The following KIF22 variants were observed in gnomAD, a reference collection of about 807,000 sequenced individuals.
The protein encoded by KIF22 is kinesin-like protein KIF22.
In KIF22, 62 loss-of-function variants were observed where a neutral mutation model predicts 73.0. The observed-to-expected ratio is 0.85, with a 90% CI of 0.69 to 1.05. KIF22 has a LOEUF of 1.05. KIF22 is among the 50% of genes least tolerant of loss of function. KIF22 has a pLI of 0.00. For missense variants in KIF22, 854 were observed against 870.1 expected (o/e 0.98, Z 0.23); for synonymous variants, 411 against 340.1 (o/e 1.21, Z -2.29).
chr16:29,804,416 C>T, intron 11 of KIF22: 2 of 620,014 alleles, frequency 3.2e-6, no homozygotes, highest in Non-Finnish European at 2.9e-6. Flanking sequence ...ACTAGAACTA[C>T]CCAAAAACTG....
At chr16:29,791,780 G>A (rs1359359239) in intron 1 of KIF22, among the ~76,000 whole-genome samples, 1 of 152,152 alleles carries the variant, frequency 6.6e-6, no homozygotes, top group East Asian at 1.9e-4. Flanking sequence ...TCGCTCTCAA[G>A]GAGTCTGAGT....
chr16:29,799,149 C>T lies in KIF22; in HGVS notation c.724C>T (p.Arg242Cys), dbSNP rs768035064. 10 of 1,613,990 alleles carry T rather than the reference C, an allele frequency of 6.2e-6. No homozygotes were observed. Among genetic ancestry groups the T allele is most frequent in the South Asian group, 2.2e-5 (2 of 91,076 alleles). Residue 242 changes from arginine (R) to cysteine (C), a missense_variant, in exon 5 of 14, where the codon CGC (arginine) becomes TGC (cysteine). By Grantham distance (180) the Arg-to-Cys change is radical. Around this residue, in one of 3 missense-constraint regions of KIF22, gnomAD observed 245 missense variants for 351.8 expected, o/e 0.70. Coordinates refer to ENST00000160827, the MANE Select transcript of KIF22 (RefSeq NM_007317.3). ...RTVGATRLNQ[R>C]SSRSHAVLLV... ...TGTAGGAGCCACCCGGCTCAACCAG[C>T]GCTCCTCCCGCAGTCATGCTGTGCT...
At chr16:29,800,141 G>A in intron 8 of KIF22, 93 bp downstream of exon 8, 2 of 1,406,684 alleles carry the variant, frequency 1.4e-6, no homozygotes, top group South Asian at 2.8e-5. Context: ...AGAGAGCTGT[G>A]ATCTTGTTCC....
chr16:29,805,160 G>C lies in KIF22; in HGVS notation c.1936G>C (p.Glu646Gln). The stretch of plus-strand genomic sequence containing the variant: ...GGAGGGCATAACGGGGAAACAGATG[G>C]AGTCCTTCCTGAAGGTGAAGTCACG... ...RVEGITGKQMESFLKANILGL... is the reference protein window; with the variant it reads ...RVEGITGKQMQSFLKANILGL... The change falls in exon 13 of 14, where the codon GAG (glutamate) becomes CAG (glutamine). Residue 646 changes from glutamate to glutamine, a missense_variant. This residue lies in a region of KIF22 where 423 missense variants were observed against 365.4 expected (regional missense o/e 1.16). Transcript: ENST00000160827. The C allele has an allele frequency of 6.2e-7, 1 of 1,614,000 alleles. No individual in the cohort carries two copies. The highest frequency in any genetic ancestry group is 8.5e-7 in the Non-Finnish European group (1 of 1,180,006).
intron 8 of KIF22, among the ~76,000 whole-genome samples, chr16:29,800,675 A>C (rs1295743909): frequency 6.6e-6 from 1 of 152,106 alleles, no homozygotes; most frequent in East Asian, 1.9e-4. Context: ...TGAGGCAGGA[A>C]GAATTGCTTG....
chr16:29,803,419 G>A (rs1899212180), intron 9 of KIF22, 30 bp from the exon 10 acceptor site: 1 of 1,611,946 alleles, frequency 6.2e-7, no homozygotes. Context: ...AGTTGGGTCT[G>A]GATCACATCT....
Position 29,799,790 on chromosome 16 carries a change from TGGGGGAG to T in KIF22, c.1144+11_1144+17del. 2 of 1,613,814 alleles carry T rather than the reference TGGGGGAG, an allele frequency of 1.2e-6. No homozygotes were observed. The highest frequency in any genetic ancestry group is 2.2e-5 in the South Asian group (2 of 91,052). ...GAGCCTGCAGCCTCATGGTGAGAAC[TGGGGGAG>T]GCAGGAGTGGAAACGCTGGGTCTGG... On this transcript the variant is annotated intron_variant, in intron 7 of 13. Transcript: ENST00000160827.
Position 29,798,786 on chromosome 16 carries a change from G to A in KIF22, c.549+39G>A, listed in dbSNP as rs1899024955. 1.9e-6 allele frequency: 3 copies of A among 1,603,130 alleles called. No homozygotes were observed. Among genetic ancestry groups the A allele is most frequent in the South Asian group, 2.2e-5 (2 of 89,792 alleles). On this transcript the variant is annotated intron_variant, in intron 4 of 13. Coordinates refer to ENST00000160827, the MANE Select transcript of KIF22 (RefSeq NM_007317.3). This position sits in a 1 kb window ranked among gnomAD's most constrained non-coding sequence, Gnocchi z 4.1. Reference sequence around the variant, plus strand: ...CTGGTTGGGAGAGGAGCAACAAAGGGTCAAAGTAAGACCTGGTTCTAGAAC... The same window carrying A: ...CTGGTTGGGAGAGGAGCAACAAAGGATCAAAGTAAGACCTGGTTCTAGAAC...
In KIF22 at chr16:29,799,711, A is replaced by G. The variant is rs772919942; in HGVS notation, c.1074A>G (p.Ala358=). 131 of 1,613,508 alleles carry G rather than the reference A, an allele frequency of 8.1e-5. 2 individuals carry two copies. Among genetic ancestry groups the G allele is most frequent in the Non-Finnish European group, 1.1e-4 (128 of 1,179,828 alleles). ...GCTTCTACCTAGACACAGTCTCCGC[A>G]CTCAACTTTGCTGCCAGGTCCAAGG... ...ERRFYLDTVS[A]LNFAARSKEV... is the part of the protein sequence containing the mutation. The change falls in exon 7 of 14, where the codon GCA becomes GCG. Residue 358 remains alanine (A), a synonymous_variant. Coordinates refer to ENST00000160827, the MANE Select transcript of KIF22 (RefSeq NM_007317.3).
chr16:29,795,805 T>C (rs1327182130), intron 1 of KIF22, among the ~76,000 whole-genome samples: 1 of 152,156 alleles, frequency 6.6e-6, no homozygotes, highest in Non-Finnish European at 1.5e-5. Flanking sequence ...AACTTAATCA[T>C]CTGAAGCAAA....
In KIF22 at chr16:29,800,025, A is replaced by G; in HGVS notation, c.1257A>G (p.Pro419=). The change falls in exon 8 of 14, where the codon CCA becomes CCG. Residue 419 remains proline (P), a synonymous_variant. Coordinates refer to ENST00000160827, the MANE Select transcript of KIF22 (RefSeq NM_007317.3). ...EIGSPEPMAA[P]ASASQKLSPL... ...GGAGCCCTGAGCCCATGGCAGCTCC[A>G]GCCTCTGCCTCCCAGAAACTCAGGT... 1 of 1,612,938 alleles carries G rather than the reference A, an allele frequency of 6.2e-7. No homozygotes were observed. The highest frequency in any genetic ancestry group is 8.5e-7 in the Non-Finnish European group (1 of 1,179,946).
In KIF22 at chr16:29,805,356, T is replaced by C. The variant is rs113809977; in HGVS notation, c.*46T>C. ...CTTTTCAAATTTTTGTATAACCCCG[T>C]GTTGTGTAAATACAGTTTTTGCTCC... On this transcript the variant is annotated 3_prime_UTR_variant, in exon 14 of 14. Coordinates refer to ENST00000160827, the MANE Select transcript of KIF22 (RefSeq NM_007317.3). 2.6e-5 allele frequency: 42 copies of C among 1,589,636 alleles called. No homozygotes were observed. Among genetic ancestry groups the C allele is most frequent in the African/African-American group, 1.7e-4 (13 of 74,484 alleles).
chr16:29,800,076 C>T, intron 8 of KIF22, 28 bp downstream of exon 8: 2 of 1,592,898 alleles, frequency 1.3e-6, no homozygotes, highest in Admixed American at 1.8e-5. Context: ...GGGTGTATCC[C>T]CTTCCTGATG....
chr16:29,803,209 CTG>C (rs2142378847), intron 9 of KIF22, among the ~76,000 whole-genome samples: 1 of 152,322 alleles, frequency 6.6e-6, no homozygotes, highest in African/African-American at 2.4e-5. Flanking sequence ...TAATTGAGGA[CTG>C]TGCTTGAAAA....
chr16:29,796,550 CTCTT>C (rs1898955871), intron 1 of KIF22, among the ~76,000 whole-genome samples: 1 of 151,478 alleles, frequency 6.6e-6, no homozygotes, highest in African/African-American at 2.4e-5. Flanking sequence ...CCCTCTCTCT[CTCTT>C]TTTTTTTTTT....
Position 29,790,841 on chromosome 16 carries a change from C to A in KIF22, c.70+12C>A. ...GGCGGCGATCTCAGGTACTTGAGCC[C>A]GGCCTGGGCAAGGCGGGTACCGACG... On this transcript the variant is annotated intron_variant, in intron 1 of 13. Transcript: ENST00000160827. 1 of 1,596,956 alleles carries A rather than the reference C, an allele frequency of 6.3e-7. No individual in the cohort carries two copies. The highest frequency in any genetic ancestry group is 1.3e-5 in the African/African-American group (1 of 74,694).
intron 7 of KIF22, 42 bp downstream of exon 7, chr16:29,799,823 A>C (rs1411670508): frequency 6.2e-7 from 1 of 1,613,126 alleles, no homozygotes; most frequent in Non-Finnish European, 8.5e-7. Context: ...CTGGGTCTGG[A>C]AATTAGGGAG....
At position 29,804,800 on chromosome 16, in the gene KIF22, C is replaced by T. The variant is rs768772059; in HGVS notation, c.1678-14C>T. On this transcript the variant is annotated splice_polypyrimidine_tract_variant and intron_variant, in intron 11 of 13. Coordinates refer to ENST00000160827, the MANE Select transcript of KIF22 (RefSeq NM_007317.3). ...GGCTGCCCTGCGTGTCACTCATCTC[C>T]CTTTGCCTCCCAGCTGGAGTCCCTG... The T allele has an allele frequency of 4.4e-6, 7 of 1,588,748 alleles. No homozygotes were observed. Among genetic ancestry groups the T allele is most frequent in the South Asian group, 2.3e-5 (2 of 88,388 alleles).
intron 10 of KIF22, 23 bp downstream of exon 10, chr16:29,803,631 G>A (rs1325467958): frequency 1.9e-6 from 3 of 1,582,500 alleles, no homozygotes; most frequent in South Asian, 1.1e-5. Flanking sequence ...CCAGGGGCTG[G>A]GGGGCCAAGG....
Sources: gnomAD v4.1 joint callset for allele counts (sites outside exome capture counted in the v4.1 genomes callset) on GRCh38, gnomAD v4.1.1 for gene constraint, gnomAD v4.1.1 regional missense constraint, Gnocchi (gnomAD v3.1) non-coding constraint, MANE v1.5 for transcripts, NCBI Gene and HGNC (gene_info 2026-07-23, HGNC 2026-07-21) for gene names.